ANKRD42: variants seen among roughly 807,000 people sequenced by gnomAD.
The protein encoded by ANKRD42 is ankyrin repeat domain-containing protein 42.
In ANKRD42, 43 loss-of-function variants were observed where a neutral mutation model predicts 51.5. The ratio of observed to expected loss-of-function variants is 0.83; its 90% confidence interval spans 0.65 to 1.08. The LOEUF (loss-of-function observed/expected upper bound fraction) is 1.08, where lower values mean the gene tolerates loss of function less well. Among genes scored for constraint, ANKRD42 ranks in the 50% least tolerant of loss-of-function variants. ANKRD42 has a pLI of 0.00. For missense variants in ANKRD42, 608 were observed against 629.3 expected (o/e 0.97, Z 0.36); for synonymous variants, 203 against 213.0 (o/e 0.95, Z 0.41).
intron 6 of ANKRD42, among the ~76,000 whole-genome samples, chr11:83,226,376 G>A (rs1590991685): frequency 6.6e-6 from 1 of 152,146 alleles, no homozygotes; most frequent in Non-Finnish European, 1.5e-5. Context: ...CACTTGTAAG[G>A]ATTGCATTGT....
In ANKRD42 at chr11:83,248,259, CT is replaced by C. The variant is rs1347151362; in HGVS notation, c.*57del. On this transcript the variant is annotated 3_prime_UTR_variant, in exon 11 of 11. Coordinates refer to ENST00000533342, the MANE Select transcript of ANKRD42 (RefSeq NM_001300975.2). Reference sequence around the variant, plus strand: ...CTCAACTATAAACTGGAGATGATAACTTATACTTTCTAGAGCTGATGACAGG... The same window carrying C: ...CTCAACTATAAACTGGAGATGATAACTATACTTTCTAGAGCTGATGACAGG... 3.5e-6 allele frequency: 5 copies of C among 1,423,544 alleles called. No homozygotes were observed. The East Asian group carries it at 1.3e-4, about 37-fold the overall frequency. 88.2% of individuals were successfully genotyped at this position (1,423,544 alleles called of 1,614,324 possible). A position where few individuals can be genotyped will look rare whatever the true frequency, so the allele number is the denominator to read the frequency against.
intron 5 of ANKRD42, chr11:83,213,712 A>G (rs960500510): frequency 1.4e-5 from 4 of 284,108 alleles, no homozygotes; most frequent in Non-Finnish European, 5.8e-6. Context: ...TCTTTTGCCT[A>G]TTGGCTGTTA....
At position 83,206,489 on chromosome 11, in the gene ANKRD42, C is replaced by T. The variant is rs193057633; in HGVS notation, c.330+324C>T. On this transcript the variant is annotated intron_variant, in intron 3 of 10. Coordinates refer to ENST00000533342, the MANE Select transcript of ANKRD42 (RefSeq NM_001300975.2). ...CAAAATAAATATGTTGAAATCTTAA[C>T]CCCAAGGTGATGGTGTTAAGAGGTG... is the stretch of plus-strand genomic sequence containing the variant. 2.2e-4 allele frequency among the ~76,000 whole-genome samples: 33 copies of T among 152,248 alleles called. No individual in the cohort carries two copies. In the East Asian group the frequency reaches 5.4e-3, roughly 25 times the overall value.
At chr11:83,209,428 C>T in intron 3 of ANKRD42, 1 of 1,592,740 alleles carries the variant, frequency 6.3e-7, no homozygotes, top group Non-Finnish European at 8.6e-7. Context: ...ACTATTCAGA[C>T]AAATACGACG....
At chr11:83,228,231 CTTTTTTT>C (rs11403803) in intron 7 of ANKRD42, among the ~76,000 whole-genome samples, 14,835 of 59,094 alleles carry the variant, frequency 0.25, 3,210 homozygotes, top group Non-Finnish European at 0.3. Context: ...CTCTCTCTCT[CTTTTTTT>C]TTTTTTTTTT....
chr11:83,231,318 T>C (rs1863065071), intron 7 of ANKRD42, among the ~76,000 whole-genome samples: 1 of 152,254 alleles, frequency 6.6e-6, no homozygotes, highest in African/African-American at 2.4e-5. Context: ...TCCATGATGT[T>C]GAGTGCCTTT....
At chr11:83,238,882 T>C (rs1863302408) in intron 8 of ANKRD42, among the ~76,000 whole-genome samples, 1 of 151,572 alleles carries the variant, frequency 6.6e-6, no homozygotes, top group African/African-American at 2.4e-5. Flanking sequence ...GGCGTGCACC[T>C]GTAGTCCCAG....
At position 83,211,275 on chromosome 11, in the gene ANKRD42, C is replaced by T. The variant is rs1469881442; in HGVS notation, c.451-20C>T. On this transcript the variant is annotated intron_variant, in intron 4 of 10. Coordinates refer to ENST00000533342, the MANE Select transcript of ANKRD42 (RefSeq NM_001300975.2). ...CTACAAAATGGGGAGAAACTAAGTC[C>T]TTGTGAATGTTACCTCTAGGATCCC... is the stretch of plus-strand genomic sequence containing the variant. The T allele has an allele frequency of 6.2e-7, 1 of 1,613,724 alleles. No individual in the cohort carries two copies. Among genetic ancestry groups the T allele is most frequent in the African/African-American group, 1.3e-5 (1 of 74,888 alleles).
chr11:83,261,944 T>C (rs757997773), downstream of ANKRD42: 187 of 1,602,448 alleles, frequency 1.2e-4, no homozygotes, highest in Non-Finnish European at 1.5e-4. Context: ...CCAATGCTAT[T>C]GCCAGGCAAG....
At chr11:83,242,263 G>T (rs12279209) in intron 9 of ANKRD42, among the ~76,000 whole-genome samples, 8,306 of 152,184 alleles carry the variant, frequency 0.055, 753 homozygotes, top group African/African-American at 0.19. Context: ...CCAAGATCTT[G>T]TTTGCCTTGA....
intron 7 of ANKRD42, among the ~76,000 whole-genome samples, chr11:83,230,380 A>G (rs1303017857): frequency 6.6e-6 from 1 of 151,970 alleles, no homozygotes; most frequent in Non-Finnish European, 1.5e-5. Flanking sequence ...GGTACCCTTT[A>G]ACCATCCCTA....
At chr11:83,245,870 A>G (rs932375269) in intron 10 of ANKRD42, among the ~76,000 whole-genome samples, 3 of 152,230 alleles carry the variant, frequency 2.0e-5, no homozygotes, top group Admixed American at 6.5e-5. Context: ...GTACATTCCC[A>G]TCGTTGTGCA....
At chr11:83,261,795 A>G (rs1278338496), downstream of ANKRD42, 1 of 708,268 alleles carries the variant, frequency 1.4e-6, no homozygotes. Flanking sequence ...TAGTCCGTAT[A>G]CACTTCGAAT....
At chr11:83,243,434 A>G (rs1269063948) in intron 9 of ANKRD42, among the ~76,000 whole-genome samples, 1 of 152,154 alleles carries the variant, frequency 6.6e-6, no homozygotes, top group African/African-American at 2.4e-5. Flanking sequence ...GCTAATTCCA[A>G]TTAATCTTAG....
chr11:83,234,927 G>A (rs1863182609), intron 7 of ANKRD42, among the ~76,000 whole-genome samples: 1 of 152,220 alleles, frequency 6.6e-6, no homozygotes. Context: ...CTGTAGGACT[G>A]TAGTGATAGG....
chr11:83,219,038 C>T (rs573995572), intron 5 of ANKRD42, among the ~76,000 whole-genome samples: 1 of 152,146 alleles, frequency 6.6e-6, no homozygotes, highest in Admixed American at 6.5e-5. Flanking sequence ...CAAATTTGTC[C>T]CAGTAATTCA....
At chr11:83,224,170 T>G (rs1862802418) in intron 5 of ANKRD42, among the ~76,000 whole-genome samples, 1 of 152,086 alleles carries the variant, frequency 6.6e-6, no homozygotes, top group Non-Finnish European at 1.5e-5. Context: ...TCCATTCTTC[T>G]TGTTTATAAT....
chr11:83,245,710 T>C, intron 10 of ANKRD42, 86 bp downstream of exon 10: 1 of 1,397,220 alleles, frequency 7.2e-7, no homozygotes, highest in Non-Finnish European at 9.5e-7. Flanking sequence ...ACTTTTACTT[T>C]CATCTTGCCA....
chr11:83,213,446 A>C, intron 5 of ANKRD42: 1 of 1,442,774 alleles, frequency 6.9e-7, no homozygotes, highest in South Asian at 1.3e-5. Flanking sequence ...AAACTGTAAA[A>C]ACTGCAAAGA....
Sources: allele counts gnomAD v4.1 joint callset (sites outside exome capture counted in the v4.1 genomes callset), GRCh38; gene constraint gnomAD v4.1.1; transcripts MANE v1.5; gene names NCBI Gene and HGNC (gene_info 2026-07-23, HGNC 2026-07-21).